UNC93A: variants seen among roughly 807,000 people sequenced by gnomAD.
UNC93A encodes the protein N-acetylglucosamine transporter UNC93A.
A neutral mutation model predicts 47.5 loss-of-function variants in UNC93A; 43 were observed. The observed-to-expected ratio is 0.91, with a 90% confidence interval of 0.71 to 1.17. The LOEUF (loss-of-function observed/expected upper bound fraction) is 1.17, where lower values mean the gene tolerates loss of function less well. Among genes scored for constraint, UNC93A ranks in the 50% most tolerant of loss-of-function variants. The pLI is 0.00. For missense variants in UNC93A, 605 were observed against 577.6 expected (o/e 1.05, Z -0.49); for synonymous variants, 280 against 258.0 (o/e 1.09, Z -0.82).
chr6:167,281,583 C>G (rs188342945), intron 1 of UNC93A, among the ~76,000 whole-genome samples: 10 of 152,156 alleles, frequency 6.6e-5, no homozygotes, highest in Non-Finnish European at 1.5e-4. Flanking sequence ...CTCCACAAAA[C>G]GCCCATAAAT....
intron 4 of UNC93A, among the ~76,000 whole-genome samples, chr6:167,303,406 A>G (rs1000933777): frequency 6.6e-6 from 1 of 152,102 alleles, no homozygotes; most frequent in Non-Finnish European, 1.5e-5. Context: ...AATGCACAAC[A>G]TTCTGTTGTA....
At chr6:167,286,246 A>C (rs1783730623) in intron 1 of UNC93A, among the ~76,000 whole-genome samples, 1 of 152,162 alleles carries the variant, frequency 6.6e-6, no homozygotes, top group Non-Finnish European at 1.5e-5. Context: ...ATAGCTTTCC[A>C]GCAAACCCTT....
At chr6:167,305,350 C>T (rs1037633056) in intron 5 of UNC93A, among the ~76,000 whole-genome samples, 2 of 152,182 alleles carry the variant, frequency 1.3e-5, no homozygotes, top group African/African-American at 4.8e-5. Flanking sequence ...CCCTCCTGCT[C>T]CTCCACTGGA....
At position 167,296,026 on chromosome 6, in the gene UNC93A, C is replaced by A; in HGVS notation, c.270-6C>A. 1 of 1,613,394 alleles carries A rather than the reference C, an allele frequency of 6.2e-7. No individual in the cohort carries two copies. The highest frequency in any genetic ancestry group is 8.5e-7 in the Non-Finnish European group (1 of 1,179,444). On this transcript the variant is annotated splice_region_variant and splice_polypyrimidine_tract_variant and intron_variant, in intron 2 of 7. Transcript: ENST00000230256. ...TACAGGCTATGGGTCTGCATTTTAC[C>A]CACAGGTACACTTTGATCCCCACCT... is the stretch of plus-strand genomic sequence containing the variant.
chr6:167,297,832 T>C, intron 3 of UNC93A, 113 bp from the exon 4 acceptor site: 2 of 1,370,008 alleles, frequency 1.5e-6, no homozygotes, highest in South Asian at 2.7e-5. Context: ...CCTGTAGTGA[T>C]GCCTCCCCCC....
At chr6:167,291,898 T>A (rs1783849665) in intron 1 of UNC93A, among the ~76,000 whole-genome samples, 1 of 152,204 alleles carries the variant, frequency 6.6e-6, no homozygotes, top group South Asian at 2.1e-4. Context: ...AAAGTCATTG[T>A]GAATTCTATG....
intron 3 of UNC93A, 54 bp downstream of exon 3, chr6:167,296,315 A>G: frequency 6.3e-7 from 1 of 1,580,066 alleles, no homozygotes; most frequent in Non-Finnish European, 8.7e-7. Context: ...GGTTTCAGTG[A>G]TGGGGGAGAG....
intron 1 of UNC93A, among the ~76,000 whole-genome samples, chr6:167,280,648 C>T (rs374376750): frequency 2.0e-5 from 3 of 152,184 alleles, no homozygotes; most frequent in African/African-American, 7.2e-5. Context: ...TTGTGGGTCC[C>T]TTTGCTGGCT....
chr6:167,308,977 G>A (rs1778482088), intron 7 of UNC93A, among the ~76,000 whole-genome samples: 1 of 152,096 alleles, frequency 6.6e-6, no homozygotes, highest in Non-Finnish European at 1.5e-5. Flanking sequence ...TGAGGACACG[G>A]ATGGGAGATG....
chr6:167,290,355 TG>T (rs2115106430), upstream of UNC93A, among the ~76,000 whole-genome samples: 1 of 152,316 alleles, frequency 6.6e-6, no homozygotes, highest in Admixed American at 6.5e-5. Flanking sequence ...GATCTTCTGA[TG>T]GTCTGGCAAG....
At chr6:167,304,908 G>A (rs13198547) in intron 5 of UNC93A, among the ~76,000 whole-genome samples, 39,019 of 152,074 alleles carry the variant, frequency 0.26, 5,067 homozygotes, top group South Asian at 0.31. Context: ...TCTAAAAATC[G>A]ATGTGGCTCT....
upstream of UNC93A, among the ~76,000 whole-genome samples, chr6:167,270,972 G>A (rs1225433398): frequency 6.6e-6 from 1 of 152,240 alleles, no homozygotes; most frequent in Non-Finnish European, 1.5e-5. Flanking sequence ...GGAAGATACA[G>A]GTGTTGCAGG....
chr6:167,284,778 CA>C (rs1783693549), intron 1 of UNC93A, among the ~76,000 whole-genome samples: 1 of 152,088 alleles, frequency 6.6e-6, no homozygotes, highest in African/African-American at 2.4e-5. Flanking sequence ...TGCAGACCCA[CA>C]GTCTGGGACT....
chr6:167,285,181 C>T (rs1419390954), intron 1 of UNC93A, among the ~76,000 whole-genome samples: 1 of 151,642 alleles, frequency 6.6e-6, no homozygotes, highest in Non-Finnish European at 1.5e-5. Context: ...CCATCTGGGA[C>T]ACCATGCCCA....
intron 1 of UNC93A, among the ~76,000 whole-genome samples, chr6:167,281,064 C>T (rs1469094197): frequency 6.6e-6 from 1 of 152,078 alleles, no homozygotes; most frequent in Admixed American, 6.5e-5. Flanking sequence ...GATGTCCCAC[C>T]AAGAGGAGCC....
At chr6:167,291,630 T>G in intron 1 of UNC93A, 54 bp downstream of exon 1, 1 of 1,506,090 alleles carries the variant, frequency 6.6e-7, no homozygotes, top group Non-Finnish European at 9.1e-7. Context: ...CAAGAATCCC[T>G]GTGGTCACAG....
chr6:167,310,843 T>C (rs1440451263), intron 7 of UNC93A, among the ~76,000 whole-genome samples: 1 of 152,204 alleles, frequency 6.6e-6, no homozygotes, highest in Non-Finnish European at 1.5e-5. Flanking sequence ...ATCACGTCAT[T>C]GCACTGCAGC....
chr6:167,305,944 G>T lies in UNC93A; in HGVS notation c.870G>T (p.Gln290His). Residue 290 changes from glutamine to histidine, a missense_variant, in exon 6 of 8, where the codon CAG becomes CAT. Transcript: ENST00000230256. ...ATGTCACCTGCACCCTGGGCATCCA[G>T]TTCGTCGGCTACGTGATGATCTGCT... Reference protein sequence around the residue: ...RSYVTCTLGIQFVGYVMICFS... With the variant: ...RSYVTCTLGIHFVGYVMICFS... 6.2e-7 allele frequency: 1 copy of T among 1,614,108 alleles called. No individual in the cohort carries two copies. The highest frequency in any genetic ancestry group is 8.5e-7 in the Non-Finnish European group (1 of 1,179,972).
At chr6:167,293,846 T>G (rs556022259) in intron 1 of UNC93A, among the ~76,000 whole-genome samples, 38 of 152,304 alleles carry the variant, frequency 2.5e-4, no homozygotes, top group Admixed American at 4.6e-4. Context: ...GCTCTCAACT[T>G]GGAGGTCACC....
Sources: gnomAD v4.1 joint callset for allele counts (sites outside exome capture counted in the v4.1 genomes callset) on GRCh38, gnomAD v4.1.1 for gene constraint, MANE v1.5 for transcripts, NCBI Gene and HGNC (gene_info 2026-07-23, HGNC 2026-07-21) for gene names.